Variants in CADPS2 observed in about 807,000 individuals in gnomAD.
CADPS2 encodes the protein calcium dependent secretion activator 2, also known as calcium-dependent secretion activator 2.
Under a neutral mutation model 172.5 loss-of-function variants are expected in CADPS2, and 93 were observed. That is an observed-to-expected ratio of 0.54 (90% CI 0.46 to 0.64). CADPS2 has a LOEUF of 0.64. Ranked by LOEUF, CADPS2 falls within the 30% of genes least tolerant of loss-of-function variation. The pLI is 0.00. For missense variants in CADPS2, 1,420 were observed against 1,565.9 expected (o/e 0.91, Z 1.57); for synonymous variants, 546 against 555.2 (o/e 0.98, Z 0.23).
intron 17 of CADPS2, 86 bp from the exon 18 acceptor site, chr7:122,416,250 G>A: frequency 7.8e-6 from 4 of 514,708 alleles, no homozygotes; most frequent in East Asian, 6.8e-5. Context: ...CTAGAATGTT[G>A]AAATAGAATG....
chr7:122,732,890 ATATAT>A (rs998731513), intron 2 of CADPS2, among the ~76,000 whole-genome samples: 18 of 145,762 alleles, frequency 1.2e-4, no homozygotes, highest in East Asian at 5.9e-4. Context: ...TATGTATAAT[ATATAT>A]TATATAATAT....
At chr7:122,457,307 A>G (rs1286564228) in intron 14 of CADPS2, among the ~76,000 whole-genome samples, 2 of 152,202 alleles carry the variant, frequency 1.3e-5, no homozygotes, top group African/African-American at 4.8e-5. Context: ...CCCTTGTTTG[A>G]ACAGTTTGTG....
chr7:122,642,369 C>T (rs878883947), intron 3 of CADPS2, among the ~76,000 whole-genome samples: 2 of 151,992 alleles, frequency 1.3e-5, no homozygotes, highest in African/African-American at 4.8e-5. Flanking sequence ...CTCTCCTTGC[C>T]CAGTCACTCT....
At chr7:122,640,206 A>G (rs2077464105) in intron 3 of CADPS2, among the ~76,000 whole-genome samples, 1 of 152,100 alleles carries the variant, frequency 6.6e-6, no homozygotes, top group Non-Finnish European at 1.5e-5. Context: ...GAAACCTAGA[A>G]CCACATAGTT....
chr7:122,351,184 G>T (rs1388064866), intron 27 of CADPS2, among the ~76,000 whole-genome samples: 1 of 150,984 alleles, frequency 6.6e-6, no homozygotes, highest in Non-Finnish European at 1.5e-5. Context: ...GGCTAACACG[G>T]TGTGTTACTA....
At chr7:122,854,946 A>G (rs1217146250) in intron 1 of CADPS2, among the ~76,000 whole-genome samples, 1 of 152,224 alleles carries the variant, frequency 6.6e-6, no homozygotes, top group African/African-American at 2.4e-5. Flanking sequence ...AAATTAGATA[A>G]TGTTTACTGA....
Position 122,539,409 on chromosome 7 carries a change from A to G in CADPS2, c.1475+15141T>C, listed in dbSNP as rs1563638314. 3.3e-5 allele frequency among the ~76,000 whole-genome samples: 5 copies of G among 152,280 alleles called. No homozygotes were observed. The South Asian group carries it at 1.0e-3, about 32-fold the overall frequency. ...AGCTAAATAAATTTCTGTTCATTATAAACGACCCAGTCTGTGGTATTCCAT... is the reference window on the plus strand; with the variant it reads ...AGCTAAATAAATTTCTGTTCATTATGAACGACCCAGTCTGTGGTATTCCAT... On this transcript the variant is annotated intron_variant, in intron 8 of 29. Transcript: ENST00000449022.
rs1270383626 is a variant in CADPS2, at chr7:122,886,131, G to A, written c.207C>T (p.Asp69=). The change falls in exon 1 of 30, where the codon GAC becomes GAT. Residue 69 remains aspartate, a synonymous_variant. Coordinates refer to ENST00000449022, the MANE Select transcript of CADPS2 (RefSeq NM_017954.11). ...PSPSVLSEGR[D]EPQRQLDDEQ... ...CATCGTCCAGCTGCCGCTGGGGCTC[G>A]TCTCGCCCCTCGCTGAGCACAGAGG... is the stretch of plus-strand genomic sequence containing the variant. The A allele has an allele frequency of 6.4e-7, 1 of 1,556,286 alleles. No individual in the cohort carries two copies. Among genetic ancestry groups the A allele is most frequent in the Non-Finnish European group, 8.7e-7 (1 of 1,150,874 alleles).
chr7:122,727,888 G>A (rs892937367), intron 2 of CADPS2, among the ~76,000 whole-genome samples: 6 of 151,868 alleles, frequency 4.0e-5, no homozygotes, highest in South Asian at 2.1e-4. Context: ...ATCAAAAACA[G>A]CAAATACAAT....
At chr7:122,668,812 C>A (rs1374832904) in intron 2 of CADPS2, among the ~76,000 whole-genome samples, 1 of 152,176 alleles carries the variant, frequency 6.6e-6, no homozygotes, top group East Asian at 1.9e-4. Context: ...AGGAGAAGCT[C>A]TCATCTCCTG....
chr7:122,490,636 T>C (rs368054434), intron 10 of CADPS2, among the ~76,000 whole-genome samples: 2 of 152,246 alleles, frequency 1.3e-5, no homozygotes, highest in African/African-American at 2.4e-5. Flanking sequence ...ATTCTATACA[T>C]GGGAAAAATA....
At chr7:122,609,945 C>T (rs927555237) in intron 6 of CADPS2, among the ~76,000 whole-genome samples, 4 of 152,086 alleles carry the variant, frequency 2.6e-5, no homozygotes, top group Admixed American at 1.3e-4. Context: ...ATGAAAGTAA[C>T]GACACTGTGA....
chr7:122,449,134 C>T (rs1291193126), intron 15 of CADPS2, among the ~76,000 whole-genome samples: 1 of 152,010 alleles, frequency 6.6e-6, no homozygotes, highest in Admixed American at 6.6e-5. Context: ...GGCAGGATTT[C>T]TATTGCTTGC....
rs962381699 is a variant in CADPS2 at position 122,428,972 on chromosome 7, A to G, written c.2476+9369T>C. On this transcript the variant is annotated intron_variant, in intron 17 of 29. Transcript: ENST00000449022. ...AATGTATAGTTATTCAGAGTTGGCTATTTGGCAGACATTTTCTGAGAAAAC... is the reference window on the plus strand; with the variant it reads ...AATGTATAGTTATTCAGAGTTGGCTGTTTGGCAGACATTTTCTGAGAAAAC... Among the ~76,000 whole-genome samples, 9 of 152,148 alleles carry G rather than the reference A, an allele frequency of 5.9e-5. No homozygotes were observed. In the South Asian group the frequency reaches 1.0e-3, roughly 18 times the overall value.
chr7:122,614,825 T>C (rs2074712288), intron 6 of CADPS2, among the ~76,000 whole-genome samples: 1 of 152,228 alleles, frequency 6.6e-6, no homozygotes, highest in African/African-American at 2.4e-5. Flanking sequence ...ATGGAAAGGC[T>C]ATTATACAAT....
intron 27 of CADPS2, among the ~76,000 whole-genome samples, chr7:122,345,918 CTT>C (rs71159791): frequency 1.4e-5 from 2 of 138,744 alleles, no homozygotes; most frequent in African/African-American, 2.7e-5. Flanking sequence ...CCGTAGATAT[CTT>C]TTTTTTTTTT....
chr7:122,776,364 C>T (rs1458675293), intron 1 of CADPS2, among the ~76,000 whole-genome samples: 1 of 152,142 alleles, frequency 6.6e-6, no homozygotes. Flanking sequence ...CCATGAGGAA[C>T]TATCAGTCCA....
At chr7:122,483,790 A>G (rs913749494) in intron 11 of CADPS2, among the ~76,000 whole-genome samples, 1 of 152,170 alleles carries the variant, frequency 6.6e-6, no homozygotes, top group African/African-American at 2.4e-5. Context: ...TTTAAAGGGT[A>G]TACTTTAAAT....
intron 2 of CADPS2, among the ~76,000 whole-genome samples, chr7:122,707,748 A>G (rs1267535870): frequency 2.0e-5 from 3 of 151,772 alleles, no homozygotes; most frequent in Non-Finnish European, 2.9e-5. Flanking sequence ...TACTAATGAT[A>G]ATATTTTTCT....
Sources: gnomAD v4.1 joint callset for allele counts (sites outside exome capture counted in the v4.1 genomes callset) on GRCh38, gnomAD v4.1.1 for gene constraint, MANE v1.5 for transcripts, NCBI Gene and HGNC (gene_info 2026-07-23, HGNC 2026-07-21) for gene names.